LARP4: variants seen among roughly 807,000 people sequenced by gnomAD.
The protein encoded by LARP4 is la-related protein 4.
Under a neutral mutation model 92.9 loss-of-function variants are expected in LARP4, and 29 were observed. That is an observed-to-expected ratio of 0.31 (90% CI 0.23 to 0.43). The LOEUF (loss-of-function observed/expected upper bound fraction) is 0.43, where lower values mean the gene tolerates loss of function less well. Ranked by LOEUF, LARP4 falls within the 20% of genes least tolerant of loss-of-function variation. The pLI is 1.00. For missense variants in LARP4, 732 were observed against 860.0 expected (o/e 0.85, Z 1.86); for synonymous variants, 279 against 284.1 (o/e 0.98, Z 0.18).
rs552515225 is a variant in LARP4, at chr12:50,439,361, T to G, written c.640-1078T>G. Among the ~76,000 whole-genome samples, 261 of 152,322 alleles carry G rather than the reference T, an allele frequency of 1.7e-3. 1 individual carries two copies. Among genetic ancestry groups the G allele is most frequent in the African/African-American group, 6.2e-3 (256 of 41,562 alleles). ...TGTTGGGTTTTTGAGGAGTTTTTTG[T>G]TTTTTGCTTTTAAAATTTTTTTTTC... On this transcript the variant is annotated intron_variant, in intron 6 of 15. Transcript: ENST00000398473.
chr12:50,403,849 G>A (rs1304365323), intron 1 of LARP4, among the ~76,000 whole-genome samples: 2 of 152,166 alleles, frequency 1.3e-5, no homozygotes, highest in South Asian at 2.1e-4. Flanking sequence ...TGTCAGGAAC[G>A]TTTGATGTTT....
At chr12:50,411,023 G>C (rs998233747) in intron 1 of LARP4, among the ~76,000 whole-genome samples, 1 of 152,006 alleles carries the variant, frequency 6.6e-6, no homozygotes, top group African/African-American at 2.4e-5. Flanking sequence ...TGACAACTTC[G>C]GGAGGTTGGT....
At position 50,427,848 on chromosome 12, in the gene LARP4, A is replaced by G; in HGVS notation, c.105A>G (p.Val35=). ...CTGGAAATACTGATGCCACCCCAGT[A>G]ACTCATGGAACTGAAAGCTCTTGGC... ...IAPGNTDATP[V]THGTESSWHE... Residue 35 remains valine, a synonymous_variant, in exon 2 of 16, where the codon GTA becomes GTG. Coordinates refer to ENST00000398473, the MANE Select transcript of LARP4 (RefSeq NM_052879.5). 6.2e-7 allele frequency: 1 copy of G among 1,604,324 alleles called. No individual in the cohort carries two copies. Among genetic ancestry groups the G allele is most frequent in the Non-Finnish European group, 8.5e-7 (1 of 1,173,314 alleles).
At chr12:50,427,457 C>CTT (rs1309665809) in intron 1 of LARP4, among the ~76,000 whole-genome samples, 1 of 152,042 alleles carries the variant, frequency 6.6e-6, no homozygotes, top group Non-Finnish European at 1.5e-5. Flanking sequence ...ACTTCCTGGG[C>CTT]TTATGTGATC....
intron 1 of LARP4, among the ~76,000 whole-genome samples, chr12:50,426,731 G>GTGTGTGTGTGTGTGT (rs1483728898): frequency 2.6e-4 from 21 of 79,720 alleles, no homozygotes; most frequent in East Asian, 1.2e-3. Context: ...GTGTGTGTGT[G>GTGTGTGTGTGTGTGT]GTTTTTTTTT....
chr12:50,425,349 CTG>C (rs1159982509), intron 1 of LARP4, among the ~76,000 whole-genome samples: 3 of 152,142 alleles, frequency 2.0e-5, no homozygotes, highest in Non-Finnish European at 4.4e-5. Flanking sequence ...TGTTTGATCT[CTG>C]TTTCTGAGAG....
intron 13 of LARP4, among the ~76,000 whole-genome samples, 164 bp from the exon 14 acceptor site, chr12:50,473,251 A>G (rs1957134525): frequency 6.6e-6 from 1 of 152,098 alleles, no homozygotes; most frequent in Admixed American, 6.6e-5. Flanking sequence ...CTTTTTTTTA[A>G]TTATAACCAT....
intron 2 of LARP4, 137 bp from the exon 3 acceptor site, chr12:50,428,798 T>C: frequency 1.6e-6 from 1 of 618,326 alleles, no homozygotes; most frequent in Non-Finnish European, 2.7e-6. Context: ...ATGATAACTC[T>C]TGCTTAAAAC....
Position 50,478,501 on chromosome 12 carries a change from T to G in LARP4, c.*2637T>G, listed in dbSNP as rs1957685196. 6.6e-6 allele frequency: 1 copy of G among 152,104 alleles called. No homozygotes were observed. Among genetic ancestry groups the G allele is most frequent in the African/African-American group, 2.4e-5 (1 of 41,450 alleles). The allele number at this position is 152,104 out of a possible 1,614,324, so 9.4% of individuals were successfully genotyped here. A position where few individuals can be genotyped will look rare whatever the true frequency, so the allele number is the denominator to read the frequency against. On this transcript the variant is annotated 3_prime_UTR_variant, in exon 16 of 16. Coordinates refer to ENST00000398473, the MANE Select transcript of LARP4 (RefSeq NM_052879.5). ...GAGGGTGGATGTTCATTGTAGTTTA[T>G]TTATTTGGTTCTTTAGATGGAGGAA...
At chr12:50,467,809 C>T (rs1406200897) in intron 13 of LARP4, among the ~76,000 whole-genome samples, 1 of 151,788 alleles carries the variant, frequency 6.6e-6, no homozygotes, top group African/African-American at 2.4e-5. Context: ...TATCAGAAAT[C>T]CTCATGTCTC....
intron 8 of LARP4, among the ~76,000 whole-genome samples, chr12:50,452,595 C>T (rs1953418341): frequency 6.6e-6 from 1 of 152,274 alleles, no homozygotes. Context: ...TCTAACACTT[C>T]CTGTTGTTTT....
Position 50,462,586 on chromosome 12 carries a change from ACT to A in LARP4, c.1344_1345del (p.Phe449GlnfsTer9). ...CCACCTTTTTCTTATTAAAAGGAGA[ACT>A]CTCTTCAGAGGTCGAAGACGACGAG... is the stretch of plus-strand genomic sequence containing the variant. ...QNGDYGRGRRTLFRGRRRRED... is the reference protein window; with the variant it reads ...QNGDYGRGRRXLFRGRRRRED... On this transcript the variant is annotated frameshift_variant, in exon 12 of 16. Coordinates refer to ENST00000398473, the MANE Select transcript of LARP4 (RefSeq NM_052879.5). LOFTEE classifies it high-confidence loss of function. The A allele has an allele frequency of 1.9e-6, 3 of 1,565,960 alleles. No individual in the cohort carries two copies. The highest frequency in any genetic ancestry group is 1.7e-6 in the Non-Finnish European group (2 of 1,155,868).
rs571677975 is a variant in LARP4, at chr12:50,439,113, C to CT, written c.639+1281dup. Among the ~76,000 whole-genome samples the CT allele has an allele frequency of 2.0e-4, 30 of 151,930 alleles. 1 individual carries two copies. In the South Asian group the frequency reaches 5.8e-3, roughly 29 times the overall value. On this transcript the variant is annotated intron_variant, in intron 6 of 15. Transcript: ENST00000398473. ...CCACCATGCCTGGCTAATTTTTGTACTTTTTTGTAGAGATGGGGTTTTGCC... is the reference window on the plus strand; with the variant it reads ...CCACCATGCCTGGCTAATTTTTGTACTTTTTTTGTAGAGATGGGGTTTTGCC...
chr12:50,424,260 C>T (rs1343960097), intron 1 of LARP4, among the ~76,000 whole-genome samples: 2 of 151,936 alleles, frequency 1.3e-5, no homozygotes, highest in East Asian at 1.9e-4. Flanking sequence ...GTCCTAGCTA[C>T]TCAGGAGATT....
intron 10 of LARP4, among the ~76,000 whole-genome samples, chr12:50,459,283 G>T (rs536530481): frequency 2.6e-5 from 4 of 152,204 alleles, no homozygotes; most frequent in Admixed American, 1.3e-4. Flanking sequence ...ACAGGCGTGA[G>T]CCACCATGCC....
At chr12:50,464,103 G>C (rs147354230) in intron 12 of LARP4, among the ~76,000 whole-genome samples, 9 of 152,088 alleles carry the variant, frequency 5.9e-5, no homozygotes, top group Non-Finnish European at 8.8e-5. Context: ...TATCTTTATA[G>C]CAGTGCTCCA....
intron 1 of LARP4, among the ~76,000 whole-genome samples, chr12:50,414,619 T>C (rs1454293221): frequency 1.3e-5 from 2 of 152,194 alleles, no homozygotes; most frequent in Non-Finnish European, 2.9e-5. Context: ...TATATATTTA[T>C]CTGTACAGTG....
intron 13 of LARP4, among the ~76,000 whole-genome samples, chr12:50,469,601 CAAAAAAAAA>C (rs757844912): frequency 1.5e-5 from 1 of 65,574 alleles, no homozygotes; most frequent in Non-Finnish European, 2.6e-5. Flanking sequence ...GAGACTCTAT[CAAAAAAAAA>C]AAAAAAAAAA....
chr12:50,460,155 G>A (rs1955114084), intron 10 of LARP4, among the ~76,000 whole-genome samples: 1 of 151,428 alleles, frequency 6.6e-6, no homozygotes, highest in Admixed American at 6.6e-5. Context: ...AAAAAAAGAA[G>A]AAGAAGAATG....
Sources: allele counts gnomAD v4.1 joint callset (sites outside exome capture counted in the v4.1 genomes callset), GRCh38; gene constraint gnomAD v4.1.1; transcripts MANE v1.5; gene names NCBI Gene and HGNC (gene_info 2026-07-23, HGNC 2026-07-21).